KRT28: variants seen among roughly 807,000 people sequenced by gnomAD.
KRT28 encodes keratin, type I cytoskeletal 28.
A neutral mutation model predicts 48.1 loss-of-function variants in KRT28; 45 were observed. The ratio of observed to expected loss-of-function variants is 0.94; its 90% confidence interval spans 0.74 to 1.20. KRT28 has a LOEUF of 1.20. Among genes scored for constraint, KRT28 ranks in the 50% most tolerant of loss-of-function variants. KRT28 has a pLI of 0.00. For missense variants in KRT28, 571 were observed against 574.1 expected (o/e 0.99, Z 0.06); for synonymous variants, 228 against 227.4 (o/e 1.00, Z -0.03).
At chr17:40,799,329 C>CTAAA in intron 1 of KRT28, 115 bp downstream of exon 1, 1 of 613,380 alleles carries the variant, frequency 1.6e-6, no homozygotes, top group Non-Finnish European at 2.5e-6. Flanking sequence ...AATTGTTTAT[C>CTAAA]TAAATAAATA....
chr17:40,796,825 T>C, intron 5 of KRT28, 91 bp downstream of exon 5: 1 of 1,470,736 alleles, frequency 6.8e-7, no homozygotes, highest in Non-Finnish European at 9.0e-7. Flanking sequence ...GGCAAAGGTA[T>C]AATAGGAAAA....
At position 40,798,381 on chromosome 17, in the gene KRT28, C is replaced by A. The variant is rs1478162803; in HGVS notation, c.544G>T (p.Glu182Ter). The A allele has an allele frequency of 1.9e-6, 3 of 1,604,372 alleles. No homozygotes were observed. The highest frequency in any genetic ancestry group is 2.7e-5 in the African/African-American group (2 of 74,814). Residue 182 changes from glutamate to a stop codon, truncating the protein, a stop_gained, in exon 3 of 8, where the codon GAG (glutamate) becomes TAG (stop). Coordinates refer to ENST00000306658, the MANE Select transcript of KRT28 (RefSeq NM_181535.3). LOFTEE classifies it high-confidence loss of function. ...ADDFRLKYEN[E>*]LTLHQNVEAD... ...TCTACGTTTTGGTGAAGGGTGAGCT[C>A]ATTTTCATACCTTGGGGGGCATTTA...
At chr17:40,798,144 T>C in intron 3 of KRT28, 91 bp downstream of exon 3, 2 of 1,270,106 alleles carry the variant, frequency 1.6e-6, no homozygotes, top group Non-Finnish European at 2.2e-6. Context: ...ACAATGAACC[T>C]GAATTACTAT....
At chr17:40,799,074 A>C in intron 1 of KRT28, 75 bp from the exon 2 acceptor site, 1 of 932,264 alleles carries the variant, frequency 1.1e-6, no homozygotes, top group Non-Finnish European at 1.6e-6. Context: ...GAAATGAAAA[A>C]GGTTACTCAA....
In KRT28 at chr17:40,796,939, G is replaced by A; in HGVS notation, c.955C>T (p.Gln319Ter). ...MRRTLQTLEIQLQSLMATKHS... is the reference protein window; with the variant it reads ...MRRTLQTLEI The stretch of plus-strand genomic sequence containing the variant: ...ACCGTGGCCATCAGGGACTGCAGCT[G>A]GATCTCCAGGGTCTGCAGGGTGCGC... The change falls in exon 5 of 8, where the codon CAG (glutamine) becomes TAG (stop). Residue 319 changes from glutamine to a stop codon, truncating the protein, a stop_gained. Transcript: ENST00000306658. LOFTEE classifies it high-confidence loss of function. The A allele has an allele frequency of 6.2e-7, 1 of 1,608,430 alleles. No individual in the cohort carries two copies. The highest frequency in any genetic ancestry group is 8.5e-7 in the Non-Finnish European group (1 of 1,177,786).
intron 2 of KRT28, 98 bp from the exon 3 acceptor site, chr17:40,798,489 A>G: frequency 7.7e-7 from 1 of 1,296,096 alleles, no homozygotes; most frequent in East Asian, 2.3e-5. Context: ...TTAGAAATTG[A>G]ATTAGGACTG....
intron 1 of KRT28, 98 bp downstream of exon 1, chr17:40,799,346 A>G: frequency 1.0e-6 from 1 of 981,622 alleles, no homozygotes; most frequent in Non-Finnish European, 1.5e-6. Flanking sequence ...AATAAATACA[A>G]GTTATAACAG....
chr17:40,793,448 A>G, intron 6 of KRT28, among the ~76,000 whole-genome samples: 1 of 152,170 alleles, frequency 6.6e-6, no homozygotes, highest in Admixed American at 6.5e-5. Flanking sequence ...TTTAAAACTT[A>G]AGGACATACA....
At chr17:40,797,813 C>G (rs894725753) in intron 3 of KRT28, among the ~76,000 whole-genome samples, 1 of 152,028 alleles carries the variant, frequency 6.6e-6, no homozygotes, top group East Asian at 1.9e-4. Context: ...ACCACCACCA[C>G]CAAAAACAGT....
intron 3 of KRT28, 29 bp downstream of exon 3, chr17:40,798,206 G>A (rs1452179044): frequency 1.3e-6 from 2 of 1,582,274 alleles, no homozygotes; most frequent in Non-Finnish European, 1.7e-6. Flanking sequence ...ACAGAGTTGT[G>A]ATTGGACTAC....
chr17:40,798,870 A>G, intron 2 of KRT28, 47 bp downstream of exon 2: 1 of 1,225,298 alleles, frequency 8.2e-7, no homozygotes. Flanking sequence ...AACAAATTAA[A>G]TAAATAGAAA....
chr17:40,798,379 C>T lies in KRT28; in HGVS notation c.546G>A (p.Glu182=), dbSNP rs763521237. The change falls in exon 3 of 8, where the codon GAG becomes GAA. Residue 182 remains glutamate, a synonymous_variant. Coordinates refer to ENST00000306658, the MANE Select transcript of KRT28 (RefSeq NM_181535.3). ...ADDFRLKYEN[E]LTLHQNVEAD... Reference sequence around the variant, plus strand: ...CCTCTACGTTTTGGTGAAGGGTGAGCTCATTTTCATACCTTGGGGGGCATT... The same window carrying T: ...CCTCTACGTTTTGGTGAAGGGTGAGTTCATTTTCATACCTTGGGGGGCATT... 2 of 1,606,056 alleles carry T rather than the reference C, an allele frequency of 1.2e-6. No individual in the cohort carries two copies. Among genetic ancestry groups the T allele is most frequent in the Non-Finnish European group, 8.5e-7 (1 of 1,174,958 alleles).
rs1017631689 is a variant in KRT28, at chr17:40,793,751, A to G, written c.1196+78T>C. 3.6e-6 allele frequency: 5 copies of G among 1,378,428 alleles called. No individual in the cohort carries two copies. The African/African-American group carries it at 7.2e-5, about 20-fold the overall frequency. 85.4% of individuals were successfully genotyped at this position (1,378,428 alleles called of 1,614,324 possible). ...GGGAATGAAAAAGAAAAGGCTTGGA[A>G]GTATGGAAGGCTAATGGGCAGCCCA... On this transcript the variant is annotated intron_variant, in intron 6 of 7. Transcript: ENST00000306658.
chr17:40,797,659 G>C (rs981852152), intron 3 of KRT28, among the ~76,000 whole-genome samples: 3 of 152,186 alleles, frequency 2.0e-5, no homozygotes, highest in Non-Finnish European at 4.4e-5. Flanking sequence ...TGAGGCAGGA[G>C]AATTGCTTGA....
At chr17:40,795,414 G>A (rs552899127) in intron 5 of KRT28, among the ~76,000 whole-genome samples, 4 of 152,262 alleles carry the variant, frequency 2.6e-5, no homozygotes, top group South Asian at 4.2e-4. Flanking sequence ...GTCTTCCACC[G>A]TGAAGGCTGG....
chr17:40,792,400 A>C lies in KRT28; in HGVS notation c.*27T>G, dbSNP rs748796422. On this transcript the variant is annotated 3_prime_UTR_variant, in exon 8 of 8. Coordinates refer to ENST00000306658, the MANE Select transcript of KRT28 (RefSeq NM_181535.3). ...ATGCAATTGTACAGGATCCTTTCCC[A>C]AATTATTCTTTTCTCTAAAATGACA... The C allele has an allele frequency of 6.3e-7, 1 of 1,593,780 alleles. No individual in the cohort carries two copies. Among genetic ancestry groups the C allele is most frequent in the South Asian group, 1.1e-5 (1 of 88,108 alleles).
chr17:40,795,736 A>G (rs1419142629), intron 5 of KRT28, among the ~76,000 whole-genome samples: 1 of 152,232 alleles, frequency 6.6e-6, no homozygotes, highest in Non-Finnish European at 1.5e-5. Context: ...CCTTGTTTCT[A>G]TGTGAAAATG....
At chr17:40,792,770 G>A (rs1006094693) in intron 7 of KRT28, among the ~76,000 whole-genome samples, 6 of 152,080 alleles carry the variant, frequency 3.9e-5, no homozygotes, top group East Asian at 1.9e-4. Flanking sequence ...TATTGACTAC[G>A]GTTGTAGTGT....
Position 40,797,144 on chromosome 17 carries a change from G to A in KRT28, c.828C>T (p.Asp276=), listed in dbSNP as rs745406486. The part of the protein sequence containing the change: ...YEALAEQNRK[D]AEAWFNEKSA... ...CCTTCTCATTGAACCAGGCCTCCGCGTCCTTGCGGTTCTGCTCTGCAAGGG... is the reference window on the plus strand; with the variant it reads ...CCTTCTCATTGAACCAGGCCTCCGCATCCTTGCGGTTCTGCTCTGCAAGGG... Residue 276 remains aspartate, a synonymous_variant, in exon 4 of 8, where the codon GAC becomes GAT. Transcript: ENST00000306658. 16 of 1,613,978 alleles carry A rather than the reference G, an allele frequency of 9.9e-6. No homozygotes were observed. Among genetic ancestry groups the A allele is most frequent in the South Asian group, 3.3e-5 (3 of 91,074 alleles).
Sources: allele counts gnomAD v4.1 joint callset (sites outside exome capture counted in the v4.1 genomes callset), GRCh38; gene constraint gnomAD v4.1.1; transcripts MANE v1.5; gene names NCBI Gene and HGNC (gene_info 2026-07-23, HGNC 2026-07-21).